Variants in TYR observed in about 807,000 individuals in gnomAD.
TYR encodes tyrosinase, also known as LB24-AB.
A neutral mutation model predicts 51.5 loss-of-function variants in TYR; 58 were observed. The ratio of observed to expected loss-of-function variants is 1.13; its 90% CI spans 0.91 to 1.40. The LOEUF (loss-of-function observed/expected upper bound fraction) is 1.40. TYR is among the 40% of genes most tolerant of loss of function. The pLI is 0.00. For synonymous variants in TYR, 263 were observed against 235.2 expected, an observed-to-expected ratio of 1.12 and a Z score of -1.08; for missense variants, 732 against 647.4, an observed-to-expected ratio of 1.13 and a Z score of -1.42.
rs533222838 is a variant in TYR at position 89,195,245 on chromosome 11, T to C, written c.1036+3827T>C. Reference sequence around the variant, plus strand: ...TGAGAAGTGTATAATGCACTTCCCATGGAACAAAATATTCATAGTCATTGC... The same window carrying C: ...TGAGAAGTGTATAATGCACTTCCCACGGAACAAAATATTCATAGTCATTGC... On this transcript the variant is annotated intron_variant, in intron 2 of 4. Transcript: ENST00000263321. 3.3e-4 allele frequency among the ~76,000 whole-genome samples: 50 copies of C among 152,354 alleles called. No individual in the cohort carries two copies. The South Asian group carries it at 8.3e-3, about 25-fold the overall frequency.
intron 3 of TYR, among the ~76,000 whole-genome samples, chr11:89,273,851 T>C (rs140402270): frequency 0.092 from 13,918 of 151,864 alleles, 766 homozygotes; most frequent in South Asian, 0.16. Context: ...AATGGCCATC[T>C]TTTTCCTATG....
chr11:89,254,114 T>C (rs934865489), intron 3 of TYR, among the ~76,000 whole-genome samples: 1 of 151,826 alleles, frequency 6.6e-6, no homozygotes, highest in Non-Finnish European at 1.5e-5. Context: ...TGTGTTTATG[T>C]GGTATATCAC....
intron 3 of TYR, among the ~76,000 whole-genome samples, chr11:89,263,952 C>T (rs1414878181): frequency 6.6e-6 from 1 of 151,988 alleles, no homozygotes; most frequent in African/African-American, 2.4e-5. Flanking sequence ...CAATCTCTGT[C>T]AAGTGAGAGG....
intron 1 of TYR, among the ~76,000 whole-genome samples, chr11:89,188,757 G>T (rs181486473): frequency 6.6e-6 from 1 of 152,016 alleles, no homozygotes; most frequent in Non-Finnish European, 1.5e-5. Flanking sequence ...ACCCAAGCAG[G>T]TATCAAGGGA....
At chr11:89,251,057 T>C (rs1234237855) in intron 3 of TYR, among the ~76,000 whole-genome samples, 3 of 151,908 alleles carry the variant, frequency 2.0e-5, no homozygotes, top group Non-Finnish European at 4.4e-5. Context: ...ACTGAATCTA[T>C]AGTTTAAGTG....
intron 2 of TYR, among the ~76,000 whole-genome samples, chr11:89,220,763 A>AG (rs1479830507): frequency 6.6e-6 from 1 of 152,144 alleles, no homozygotes; most frequent in East Asian, 1.9e-4. Flanking sequence ...TCTCAAAAAA[A>AG]CAAAACTCAA....
intron 2 of TYR, among the ~76,000 whole-genome samples, chr11:89,220,142 A>G (rs1943888565): frequency 6.8e-6 from 1 of 146,550 alleles, no homozygotes; most frequent in Non-Finnish European, 1.5e-5. Context: ...AGACTAGGTA[A>G]TTAAAAAAAA....
chr11:89,242,861 A>G (rs1307144918), intron 3 of TYR, among the ~76,000 whole-genome samples: 1 of 152,200 alleles, frequency 6.6e-6, no homozygotes, highest in East Asian at 1.9e-4. Context: ...TGCTCTCTAT[A>G]AAGAGTAGGG....
At chr11:89,236,633 C>T (rs1454935752) in intron 3 of TYR, among the ~76,000 whole-genome samples, 1 of 152,200 alleles carries the variant, frequency 6.6e-6, no homozygotes, top group East Asian at 1.9e-4. Context: ...GCCATCCTCT[C>T]AAGTTGCTAC....
At chr11:89,280,440 C>A (rs1042085547) in intron 3 of TYR, among the ~76,000 whole-genome samples, 1 of 151,590 alleles carries the variant, frequency 6.6e-6, no homozygotes, top group Non-Finnish European at 1.5e-5. Flanking sequence ...GTGATATATA[C>A]AACACTGTTG....
chr11:89,229,882 A>G lies in TYR; in HGVS notation c.1184+1912A>G, dbSNP rs1939254. On this transcript the variant is annotated intron_variant, in intron 3 of 4. Transcript: ENST00000263321. ...ACTGAAACTATACAATATTGATAAA[A>G]GTAACTGTAGAACACAAAAATAAAT... 1.6e-4 allele frequency among the ~76,000 whole-genome samples: 24 copies of G among 152,222 alleles called. No individual in the cohort carries two copies. The East Asian group carries it at 3.7e-3, about 23-fold the overall frequency.
At chr11:89,216,253 A>G (rs1943830449) in intron 2 of TYR, among the ~76,000 whole-genome samples, 1 of 152,210 alleles carries the variant, frequency 6.6e-6, no homozygotes. Context: ...GCACTTAAAC[A>G]GAGTAAGAAA....
rs1286611941 is a variant in TYR at position 89,234,264 on chromosome 11, A to G, written c.1184+6294A>G. Among the ~76,000 whole-genome samples the G allele has an allele frequency of 4.2e-5, 6 of 143,708 alleles. 1 individual carries two copies. The highest frequency in any genetic ancestry group is 7.5e-5 in the Non-Finnish European group (5 of 66,738). The allele number at this position is 143,708 out of a possible 152,430, so 94.3% of individuals were successfully genotyped here. On this transcript the variant is annotated intron_variant, in intron 3 of 4. Transcript: ENST00000263321. Reference sequence around the variant, plus strand: ...CCTCACCTCTTTGACCCTCCATAGGATTAAGAGAGTCAGAGCCTTGCTCTC... The same window carrying G: ...CCTCACCTCTTTGACCCTCCATAGGGTTAAGAGAGTCAGAGCCTTGCTCTC...
intron 3 of TYR, among the ~76,000 whole-genome samples, chr11:89,272,189 C>T (rs1328550891): frequency 6.6e-6 from 1 of 151,888 alleles, no homozygotes; most frequent in Non-Finnish European, 1.5e-5. Flanking sequence ...TCAAATTCAT[C>T]AGAGGAATCA....
At chr11:89,291,363 TA>T (rs1429540727) in intron 4 of TYR, among the ~76,000 whole-genome samples, 2 of 152,050 alleles carry the variant, frequency 1.3e-5, no homozygotes, top group African/African-American at 4.8e-5. Context: ...AGCCGTATTT[TA>T]TTTTTTTACT....
At chr11:89,217,363 G>A (rs1223550642) in intron 2 of TYR, among the ~76,000 whole-genome samples, 4 of 152,116 alleles carry the variant, frequency 2.6e-5, no homozygotes, top group African/African-American at 4.8e-5. Flanking sequence ...GATGTTTCTG[G>A]TTGGGGAATG....
At chr11:89,260,554 A>G (rs1944445363) in intron 3 of TYR, among the ~76,000 whole-genome samples, 1 of 152,118 alleles carries the variant, frequency 6.6e-6, no homozygotes, top group African/African-American at 2.4e-5. Flanking sequence ...CAACCATGCT[A>G]AAGGAAGCAG....
chr11:89,206,661 TAAC>T (rs137986111), intron 2 of TYR, among the ~76,000 whole-genome samples: 1 of 151,476 alleles, frequency 6.6e-6, no homozygotes, highest in Non-Finnish European at 1.5e-5. Context: ...TTCCATTCAA[TAAC>T]AACAACAAAA....
chr11:89,237,208 A>G (rs899555847), intron 3 of TYR, among the ~76,000 whole-genome samples: 1 of 152,054 alleles, frequency 6.6e-6, no homozygotes, highest in East Asian at 1.9e-4. Flanking sequence ...TTTTTGTTTA[A>G]TGTAATCCTG....
Sources: gnomAD v4.1 joint callset for allele counts (sites outside exome capture counted in the v4.1 genomes callset) on GRCh38, gnomAD v4.1.1 for gene constraint, MANE v1.5 for transcripts, NCBI Gene and HGNC (gene_info 2026-07-23, HGNC 2026-07-21) for gene names.